GHDC: variants seen among roughly 807,000 people sequenced by gnomAD.
The protein encoded by GHDC is GH3 domain-containing protein.
In GHDC, 39 loss-of-function variants were observed where a neutral mutation model predicts 51.5. The ratio of observed to expected loss-of-function variants is 0.76; its 90% CI spans 0.59 to 0.99. GHDC has a LOEUF of 0.99. Ranked by LOEUF, GHDC falls within the 50% of genes least tolerant of loss-of-function variation. The probability of loss-of-function intolerance (pLI) is 0.00; values close to 1 mark genes in which losing one functional copy is unlikely to be tolerated. For missense variants in GHDC, 610 were observed against 672.8 expected (o/e 0.91, Z 1.03); for synonymous variants, 282 against 305.2 (o/e 0.92, Z 0.79).
chr17:42,192,514 G>A lies in GHDC; in HGVS notation c.616C>T (p.Leu206Phe). The A allele has an allele frequency of 6.2e-7, 1 of 1,613,716 alleles. No homozygotes were observed. The highest frequency in any genetic ancestry group is 8.5e-7 in the Non-Finnish European group (1 of 1,180,032). Residue 206 changes from leucine to phenylalanine, a missense_variant, in exon 5 of 10, where the codon CTT becomes TTT. Leu to Phe is a conservative substitution (Grantham distance 22). Transcript: ENST00000587427. Reference sequence around the variant, plus strand: ...TCCAGGCCCAAGAAAACATCCAGAAGTTCGACAGCCGTCCCAGCCTCCAGT... The same window carrying A: ...TCCAGGCCCAAGAAAACATCCAGAAATTCGACAGCCGTCCCAGCCTCCAGT... ...RALEAGTAVE[L>F]LDVFLGLETD...
chr17:42,193,258 G>A, intron 3 of GHDC, 59 bp downstream of exon 3: 1 of 1,523,802 alleles, frequency 6.6e-7, no homozygotes, highest in Non-Finnish European at 8.8e-7. Flanking sequence ...TCTGGAATCT[G>A]ACGGTCCTGT....
At position 42,190,858 on chromosome 17, in the gene GHDC, C is replaced by A; in HGVS notation, c.1128G>T (p.Gln376His). Residue 376 changes from glutamine to histidine, a missense_variant, in exon 7 of 10, where the codon CAG becomes CAT. By Grantham distance (24) the Gln-to-His change is conservative (BLOSUM62 0). Around this residue, in one of 2 missense-constraint regions of GHDC, gnomAD observed 412 missense variants for 410.4 expected, o/e 1.00. Transcript: ENST00000587427. ...TGCAGATGAACCTGACGACTGGACA[C>A]TGATTGTAGGCACCAACCACTCGCA... ...DVVRVVGAYNQCPVVRFICRL... is the reference protein window; with the variant it reads ...DVVRVVGAYNHCPVVRFICRL... The A allele has an allele frequency of 2.5e-6, 4 of 1,612,502 alleles. No homozygotes were observed. Among genetic ancestry groups the A allele is most frequent in the Non-Finnish European group, 3.4e-6 (4 of 1,179,572 alleles).
chr17:42,189,851 G>A lies in GHDC; in HGVS notation c.1445C>T (p.Ala482Val). The A allele has an allele frequency of 6.4e-7, 1 of 1,561,754 alleles. No homozygotes were observed. The highest frequency in any genetic ancestry group is 8.7e-7 in the Non-Finnish European group (1 of 1,154,040). The change falls in exon 10 of 10, where the codon GCC becomes GTC. Residue 482 changes from alanine to valine, a missense_variant. This residue lies in a region of GHDC where 412 missense variants were observed against 410.4 expected (regional missense o/e 1.00). Coordinates refer to ENST00000587427, the MANE Select transcript of GHDC (RefSeq NM_032484.5). ...TCCCTGCCCCACCAGGTGGACTCTG[G>A]CAGGGCCCACGCTGCCCCAGAACCG... ...SLRFWGSVGP[A>V]RVHLVGQGAF...
At chr17:42,191,694 G>A (rs1207014331) in intron 5 of GHDC, among the ~76,000 whole-genome samples, 1 of 150,666 alleles carries the variant, frequency 6.6e-6, no homozygotes, top group Non-Finnish European at 1.5e-5. Context: ...CTAACTTCAG[G>A]TGATCCACCC....
chr17:42,191,647 A>T (rs1286502375), intron 5 of GHDC, among the ~76,000 whole-genome samples: 1 of 151,626 alleles, frequency 6.6e-6, no homozygotes, highest in Non-Finnish European at 1.5e-5. Flanking sequence ...TAGTAGAGAC[A>T]GGGTTTCACC....
intron 9 of GHDC, 95 bp downstream of exon 9, chr17:42,190,090 C>A (rs919506860): frequency 4.9e-5 from 73 of 1,476,550 alleles, no homozygotes; most frequent in Non-Finnish European, 5.9e-5. Flanking sequence ...TCCTCCGCCA[C>A]CCCTCTCCTT....
intron 8 of GHDC, 56 bp downstream of exon 8, chr17:42,190,568 G>A (rs1029305570): frequency 7.6e-5 from 120 of 1,569,196 alleles, no homozygotes; most frequent in Non-Finnish European, 9.8e-5. Context: ...GGCAGGGGAG[G>A]TAGGAGTTGA....
In GHDC at chr17:42,193,408, G is replaced by A. The variant is rs767506093; in HGVS notation, c.174C>T (p.Ser58=). ...ATWQRRRLEQ[S]TLHVHQSQQQ... is the part of the protein sequence containing the mutation. ...GCTGGCTCTGGTGCACATGGAGCGTGCTCTGCTCCAGCCTCCGCCGCTGCC... is the reference window on the plus strand; with the variant it reads ...GCTGGCTCTGGTGCACATGGAGCGTACTCTGCTCCAGCCTCCGCCGCTGCC... The change falls in exon 3 of 10, where the codon AGC becomes AGT. Residue 58 remains serine, a synonymous_variant. Coordinates refer to ENST00000587427, the MANE Select transcript of GHDC (RefSeq NM_032484.5). 2 of 1,583,806 alleles carry A rather than the reference G, an allele frequency of 1.3e-6. No homozygotes were observed.
In GHDC at chr17:42,189,548, G is replaced by A. The variant is rs2079950303; in HGVS notation, c.*155C>T. ...CCCATACTTCAGAACCGGTCAGCTGGGCCAAGGCCTCTCTAAGGCCCAGCG... is the reference window on the plus strand; with the variant it reads ...CCCATACTTCAGAACCGGTCAGCTGAGCCAAGGCCTCTCTAAGGCCCAGCG... On this transcript the variant is annotated 3_prime_UTR_variant, in exon 10 of 10. Coordinates refer to ENST00000587427, the MANE Select transcript of GHDC (RefSeq NM_032484.5). The A allele has an allele frequency of 2.2e-6, 1 of 453,782 alleles. No individual in the cohort carries two copies. Among genetic ancestry groups the A allele is most frequent in the African/African-American group, 2.0e-5 (1 of 49,512 alleles). 28.1% of individuals were successfully genotyped at this position (453,782 alleles called of 1,614,324 possible).
intron 9 of GHDC, 44 bp from the exon 10 acceptor site, chr17:42,189,965 T>C (rs941568001): frequency 2.1e-5 from 30 of 1,437,020 alleles, no homozygotes; most frequent in Non-Finnish European, 2.5e-5. Context: ...TGACTGTGAG[T>C]GTGCACACGA....
rs558233857 is a variant in GHDC, at chr17:42,189,117, T to G, written c.*586A>C. On this transcript the variant is annotated 3_prime_UTR_variant, in exon 10 of 10. Transcript: ENST00000587427. ...GTGCAAGAGGTTTATTTGGGAGCCA[T>G]CCCAGGAAGCCCAAGGCGGGGGAGT... The G allele has an allele frequency of 2.3e-5, 9 of 398,490 alleles. No homozygotes were observed. Among genetic ancestry groups the G allele is most frequent in the Non-Finnish European group, 3.5e-5 (8 of 226,128 alleles). 24.7% of individuals were successfully genotyped at this position (398,490 alleles called of 1,614,324 possible). A position where few individuals can be genotyped will look rare whatever the true frequency, so the allele number is the denominator to read the frequency against.
chr17:42,189,160 G>A lies in GHDC; in HGVS notation c.*543C>T, dbSNP rs909955698. ...GGGGGAGTGGGGAAGAGAGGGAAGG[G>A]AGAGCCCCCGCAGGAAGTACATGAA... On this transcript the variant is annotated 3_prime_UTR_variant, in exon 10 of 10. Transcript: ENST00000587427. 1 of 398,664 alleles carries A rather than the reference G, an allele frequency of 2.5e-6. No homozygotes were observed. Among genetic ancestry groups the A allele is most frequent in the Non-Finnish European group, 4.4e-6 (1 of 226,132 alleles). 24.7% of individuals were successfully genotyped at this position (398,664 alleles called of 1,614,324 possible). A position where few individuals can be genotyped will look rare whatever the true frequency, so the allele number is the denominator to read the frequency against.
Position 42,189,518 on chromosome 17 carries a change from G to A in GHDC, c.*185C>T, listed in dbSNP as rs531421969. 16 of 422,690 alleles carry A rather than the reference G, an allele frequency of 3.8e-5. No individual in the cohort carries two copies. The South Asian group carries it at 4.1e-4, about 11-fold the overall frequency. 26.2% of individuals were successfully genotyped at this position (422,690 alleles called of 1,614,324 possible). A position where few individuals can be genotyped will look rare whatever the true frequency, so the allele number is the denominator to read the frequency against. On this transcript the variant is annotated 3_prime_UTR_variant, in exon 10 of 10. Coordinates refer to ENST00000587427, the MANE Select transcript of GHDC (RefSeq NM_032484.5). ...GGCACTGCTGGCATCTGCTAACCCC[G>A]GAGGCCCATACTTCAGAACCGGTCA...
chr17:42,190,813 G>C lies in GHDC; in HGVS notation c.1154+19C>G. The C allele has an allele frequency of 6.2e-7, 1 of 1,613,782 alleles. No individual in the cohort carries two copies. The highest frequency in any genetic ancestry group is 8.5e-7 in the Non-Finnish European group (1 of 1,179,940). On this transcript the variant is annotated intron_variant, in intron 7 of 9. Transcript: ENST00000587427. Reference sequence around the variant, plus strand: ...CCCAGGACACAAGGATGGCCCTTCAGCTCCCCGGGGTCACCTACCTGCAGA... The same window carrying C: ...CCCAGGACACAAGGATGGCCCTTCACCTCCCCGGGGTCACCTACCTGCAGA...
chr17:42,193,586 A>C lies in GHDC; in HGVS notation c.-5T>G, dbSNP rs574866963. 300 of 1,532,590 alleles carry C rather than the reference A, an allele frequency of 2.0e-4. 2 individuals carry two copies. In the South Asian group the frequency reaches 2.3e-3, roughly 12 times the overall value. 94.9% of individuals were successfully genotyped at this position (1,532,590 alleles called of 1,614,324 possible). On this transcript the variant is annotated 5_prime_UTR_variant, in exon 3 of 10. Transcript: ENST00000587427. The stretch of plus-strand genomic sequence containing the variant: ...CAGCAGTGGCCACAGCAGCATCTCC[A>C]AGCAGCTCCTGGGAAGAGGAAGGAA...
At position 42,189,862 on chromosome 17, in the gene GHDC, G is replaced by C. The variant is rs577208365; in HGVS notation, c.1434C>G (p.Ser478Arg). 1 of 1,561,926 alleles carries C rather than the reference G, an allele frequency of 6.4e-7. No individual in the cohort carries two copies. Among genetic ancestry groups the C allele is most frequent in the Non-Finnish European group, 8.7e-7 (1 of 1,154,156 alleles). The change falls in exon 10 of 10, where the codon AGC (serine) becomes AGG (arginine). Residue 478 changes from serine (S) to arginine (R), a missense_variant. By Grantham distance (110) the Ser-to-Arg change is moderately radical. Coordinates refer to ENST00000587427, the MANE Select transcript of GHDC (RefSeq NM_032484.5). The part of the protein sequence containing the change: ...PRYKSLRFWG[S>R]VGPARVHLVG... The stretch of plus-strand genomic sequence containing the variant: ...CCAGGTGGACTCTGGCAGGGCCCAC[G>C]CTGCCCCAGAACCGCAGGGACTTGT...
intron 8 of GHDC, 124 bp from the exon 9 acceptor site, chr17:42,190,394 G>A (rs1287857000): frequency 1.3e-6 from 2 of 1,562,280 alleles, no homozygotes; most frequent in East Asian, 2.4e-5. Context: ...TTTCTTGGTG[G>A]GGAGTGGGGT....
At position 42,192,886 on chromosome 17, in the gene GHDC, C is replaced by T. The variant is rs776094138; in HGVS notation, c.387+20G>A. 6 of 1,613,124 alleles carry T rather than the reference C, an allele frequency of 3.7e-6. No individual in the cohort carries two copies. In the East Asian group the frequency reaches 1.3e-4, roughly 36 times the overall value. On this transcript the variant is annotated intron_variant, in intron 4 of 9. Coordinates refer to ENST00000587427, the MANE Select transcript of GHDC (RefSeq NM_032484.5). ...GGACTGGGCTGTGGCCAGGACTGGGCTCTGGCCATCCTAGATTACCTGCAG... is the reference window on the plus strand; with the variant it reads ...GGACTGGGCTGTGGCCAGGACTGGGTTCTGGCCATCCTAGATTACCTGCAG...
In GHDC at chr17:42,193,198, T is replaced by C. The variant is rs2079983336; in HGVS notation, c.265+119A>G. The C allele has an allele frequency of 7.8e-6, 12 of 1,530,114 alleles. No homozygotes were observed. The East Asian group carries it at 2.7e-4, about 35-fold the overall frequency. The allele number at this position is 1,530,114 out of a possible 1,614,324, so 94.8% of individuals were successfully genotyped here. On this transcript the variant is annotated intron_variant, in intron 3 of 9. Coordinates refer to ENST00000587427, the MANE Select transcript of GHDC (RefSeq NM_032484.5). Reference sequence around the variant, plus strand: ...GACAAGAAAGCCAGTCCTGGGTCTCTGGGTCAGGCCACTCCGTTGGCAGTG... The same window carrying C: ...GACAAGAAAGCCAGTCCTGGGTCTCCGGGTCAGGCCACTCCGTTGGCAGTG...
Sources: allele counts gnomAD v4.1 joint callset (sites outside exome capture counted in the v4.1 genomes callset), GRCh38; gene constraint gnomAD v4.1.1; regional missense constraint gnomAD v4.1.1; transcripts MANE v1.5; gene names NCBI Gene and HGNC (gene_info 2026-07-23, HGNC 2026-07-21).